Variants in GPC5 observed in about 807,000 individuals in gnomAD.
GPC5 encodes the protein glypican-5.
In GPC5, 47 loss-of-function variants were observed where a neutral mutation model predicts 53.9. The observed-to-expected ratio is 0.87, with a 90% CI of 0.69 to 1.11. The LOEUF is 1.11. Ranked by LOEUF, GPC5 falls within the 50% of genes most tolerant of loss-of-function variation. The probability of loss-of-function intolerance (pLI) is 0.00; values close to 1 mark genes in which losing one functional copy is unlikely to be tolerated. For synonymous variants in GPC5, 286 were observed against 263.3 expected, an observed-to-expected ratio of 1.09 and a Z score of -0.84; for missense variants, 748 against 713.1, an observed-to-expected ratio of 1.05 and a Z score of -0.56.
intron 6 of GPC5, among the ~76,000 whole-genome samples, chr13:92,067,505 G>A (rs1222343132): frequency 1.3e-5 from 2 of 151,992 alleles, no homozygotes; most frequent in Non-Finnish European, 2.9e-5. Flanking sequence ...GCAAACAGGT[G>A]TCAATCATCA....
intron 5 of GPC5, among the ~76,000 whole-genome samples, chr13:91,758,903 C>T (rs115999991): frequency 0.014 from 2,095 of 152,176 alleles, 54 homozygotes; most frequent in African/African-American, 0.049. Context: ...TTGAGCACAT[C>T]TTTCTCTTCC....
intron 7 of GPC5, among the ~76,000 whole-genome samples, chr13:92,774,582 AC>A (rs1481888864): frequency 6.6e-6 from 1 of 152,158 alleles, no homozygotes; most frequent in African/African-American, 2.4e-5. Context: ...CTGACTGTAT[AC>A]CTAAATCCAT....
chr13:92,659,150 G>C (rs1045676150), intron 7 of GPC5: 6 of 151,042 alleles, frequency 4.0e-5, no homozygotes, highest in Admixed American at 2.6e-4. Flanking sequence ...GGATGGTCTC[G>C]ATCTCCTGAC....
In GPC5 at chr13:92,381,889, T is replaced by A. The variant is rs9589529; in HGVS notation, c.1561+236900T>A. On this transcript the variant is annotated intron_variant, in intron 7 of 7. Coordinates refer to ENST00000377067, the MANE Select transcript of GPC5 (RefSeq NM_004466.6). ...TATATCATATATATGATTATATATA[T>A]TATATATAATCATATATATGATATA... 1.1e-4 allele frequency among the ~76,000 whole-genome samples: 14 copies of A among 122,174 alleles called. 1 individual carries two copies. The South Asian group carries it at 3.1e-3, about 27-fold the overall frequency. The allele number at this position is 122,174 out of a possible 152,430, so 80.2% of individuals were successfully genotyped here.
chr13:91,732,598 A>T (rs1213301242), intron 4 of GPC5, among the ~76,000 whole-genome samples: 1 of 152,148 alleles, frequency 6.6e-6, no homozygotes, highest in Non-Finnish European at 1.5e-5. Flanking sequence ...GTCTTTGGCC[A>T]TGCCTATGTC....
chr13:92,854,395 G>A (rs1878926476), intron 7 of GPC5, among the ~76,000 whole-genome samples: 1 of 149,174 alleles, frequency 6.7e-6, no homozygotes, highest in African/African-American at 2.4e-5. Flanking sequence ...TATATTTATT[G>A]ATTTATTACA....
At chr13:92,458,317 T>TGGGGTG (rs1878352892) in intron 7 of GPC5, among the ~76,000 whole-genome samples, 1 of 123,822 alleles carries the variant, frequency 8.1e-6, no homozygotes, top group Non-Finnish European at 1.7e-5. Context: ...GGGGGCAGGG[T>TGGGGTG]GGGGGATGAA....
intron 7 of GPC5, among the ~76,000 whole-genome samples, chr13:92,696,677 G>A (rs1376994371): frequency 6.6e-6 from 1 of 152,110 alleles, no homozygotes; most frequent in Non-Finnish European, 1.5e-5. Flanking sequence ...AGTTTCTTTT[G>A]CTGTGAAGAA....
chr13:91,737,604 A>T (rs1594502080), intron 4 of GPC5, among the ~76,000 whole-genome samples: 1 of 151,588 alleles, frequency 6.6e-6, no homozygotes, highest in East Asian at 1.9e-4. Context: ...TGCATTTTAC[A>T]TTATAAATAA....
intron 2 of GPC5, among the ~76,000 whole-genome samples, chr13:91,516,217 C>T (rs975785918): frequency 2.0e-5 from 3 of 152,154 alleles, no homozygotes; most frequent in African/African-American, 4.8e-5. Context: ...AGTCCACAGT[C>T]CAAAGTCTCA....
intron 7 of GPC5, among the ~76,000 whole-genome samples, chr13:92,280,270 G>C (rs1054942123): frequency 6.6e-6 from 1 of 151,998 alleles, no homozygotes; most frequent in Non-Finnish European, 1.5e-5. Context: ...TTAGTATAAG[G>C]ATTTATCAAT....
At chr13:91,583,222 T>C (rs1274547303) in intron 2 of GPC5, among the ~76,000 whole-genome samples, 2 of 151,996 alleles carry the variant, frequency 1.3e-5, no homozygotes, top group Non-Finnish European at 2.9e-5. Context: ...AGAAAGAAGG[T>C]AAGTAAAAGA....
In GPC5 at chr13:92,595,345, C is replaced by G. The variant is rs969600319; in HGVS notation, c.1562-270937C>G. ...ATCATCTACATCATTCTCTCATGAA[C>G]TTATGCACAACTATATGAGCTTATT... On this transcript the variant is annotated intron_variant, in intron 7 of 7. Transcript: ENST00000377067. Among the ~76,000 whole-genome samples the G allele has an allele frequency of 3.3e-5, 5 of 152,168 alleles. No homozygotes were observed. In the South Asian group the frequency reaches 8.3e-4, roughly 25 times the overall value.
intron 6 of GPC5, among the ~76,000 whole-genome samples, chr13:91,938,619 C>T (rs1319898374): frequency 3.3e-5 from 5 of 152,114 alleles, no homozygotes; most frequent in Non-Finnish European, 7.4e-5. Flanking sequence ...AAAGAGCATC[C>T]TGTACCCAGA....
rs2043433482 is a variant in GPC5, at chr13:92,347,885, TA to T, written c.1561+202897del. On this transcript the variant is annotated intron_variant, in intron 7 of 7. Transcript: ENST00000377067. ...TATATTATATATATAATATATATTA[TA>T]TATATTATATATATAATATATATAT... Among the ~76,000 whole-genome samples, 2 of 17,970 alleles carry T rather than the reference TA, an allele frequency of 1.1e-4. 1 individual carries two copies. The highest frequency in any genetic ancestry group is 9.8e-4 in the African/African-American group (2 of 2,048). The allele number at this position is 17,970 out of a possible 152,430, so 11.8% of individuals were successfully genotyped here. A position where few individuals can be genotyped will look rare whatever the true frequency, so the allele number is the denominator to read the frequency against.
At chr13:92,166,921 G>GTCTCTCTCTCTCTCTCTCTCTC (rs35310453) in intron 7 of GPC5, among the ~76,000 whole-genome samples, 1 of 128,430 alleles carries the variant, frequency 7.8e-6, no homozygotes, top group African/African-American at 3.1e-5. Context: ...ATAAGTCTCA[G>GTCTCTCTCTCTCTCTCTCTCTC]TCTCTCTCTC....
intron 4 of GPC5, among the ~76,000 whole-genome samples, chr13:91,751,527 G>A (rs935087214): frequency 6.6e-6 from 1 of 152,172 alleles, no homozygotes; most frequent in Non-Finnish European, 1.5e-5. Context: ...AACATTGCCA[G>A]TCATCGTGCT....
intron 7 of GPC5, among the ~76,000 whole-genome samples, chr13:92,691,190 C>A (rs1179080341): frequency 5.9e-5 from 6 of 101,374 alleles, no homozygotes; most frequent in Non-Finnish European, 7.6e-5. Context: ...GCAGTTTGAT[C>A]TCAGACTGCT....
At chr13:91,800,798 G>A (rs1209900656) in intron 5 of GPC5, among the ~76,000 whole-genome samples, 2 of 151,942 alleles carry the variant, frequency 1.3e-5, no homozygotes, top group East Asian at 1.9e-4. Flanking sequence ...CTAGAGTCGC[G>A]TTTCTATTTA....
Sources: gnomAD v4.1 joint callset for allele counts (sites outside exome capture counted in the v4.1 genomes callset) on GRCh38, gnomAD v4.1.1 for gene constraint, MANE v1.5 for transcripts, NCBI Gene and HGNC (gene_info 2026-07-23, HGNC 2026-07-21) for gene names.